TRIO: variants seen among roughly 807,000 people sequenced by gnomAD.
TRIO encodes the protein triple functional domain protein.
TRIO carries 58 observed loss-of-function variants against 351.9 expected under a neutral mutation model. That is an observed-to-expected ratio of 0.16 (90% CI 0.13 to 0.21). The LOEUF (loss-of-function observed/expected upper bound fraction) is 0.21, where lower values mean the gene tolerates loss of function less well. TRIO is among the 10% of genes least tolerant of loss of function. TRIO has a pLI of 1.00. For synonymous variants in TRIO, 1,758 were observed against 1,595.7 expected (o/e 1.10, Z -2.42); for missense variants, 3,201 against 4,027.8 (o/e 0.79, Z 5.56).
chr5:14,270,933 C>G, intron 2 of TRIO, 34 bp downstream of exon 2: 1 of 1,473,480 alleles, frequency 6.8e-7, no homozygotes, highest in Non-Finnish European at 9.5e-7. Context: ...CTCTATCCAA[C>G]TGCTCTGACA....
intron 19 of TRIO, among the ~76,000 whole-genome samples, chr5:14,377,661 A>T (rs1195641023): frequency 3.9e-5 from 6 of 152,152 alleles, no homozygotes; most frequent in African/African-American, 1.4e-4. Flanking sequence ...GTCTTGAAAA[A>T]AATGCTGATT....
chr5:14,456,466 C>T (rs753458557), intron 34 of TRIO, among the ~76,000 whole-genome samples: 1 of 152,258 alleles, frequency 6.6e-6, no homozygotes, highest in Admixed American at 6.5e-5. Flanking sequence ...CCACAGGGCT[C>T]GCCTTCAGAG....
intron 11 of TRIO, among the ~76,000 whole-genome samples, chr5:14,357,392 A>T (rs989036125): frequency 5.9e-5 from 9 of 152,182 alleles, no homozygotes; most frequent in Non-Finnish European, 1.2e-4. Flanking sequence ...CAGTTCCGTG[A>T]ATAGTACCCC....
chr5:14,176,525 C>T (rs1789417742), intron 1 of TRIO, among the ~76,000 whole-genome samples: 1 of 152,154 alleles, frequency 6.6e-6, no homozygotes, highest in East Asian at 1.9e-4. Context: ...ACAGTCACTG[C>T]TCACTGCAGC....
intron 34 of TRIO, among the ~76,000 whole-genome samples, chr5:14,447,609 A>C (rs1561501452): frequency 6.6e-6 from 1 of 152,198 alleles, no homozygotes; most frequent in Non-Finnish European, 1.5e-5. Context: ...CAACTTTTTA[A>C]AAAATCTGCG....
intron 1 of TRIO, among the ~76,000 whole-genome samples, chr5:14,215,763 C>T (rs1792177709): frequency 6.6e-6 from 1 of 152,192 alleles, no homozygotes; most frequent in East Asian, 1.9e-4. Flanking sequence ...TTAAGTTCTA[C>T]TACTCCAAAG....
intron 1 of TRIO, among the ~76,000 whole-genome samples, chr5:14,220,532 G>A (rs1792551582): frequency 6.6e-6 from 1 of 152,222 alleles, no homozygotes; most frequent in Non-Finnish European, 1.5e-5. Context: ...AGCTGAGACA[G>A]GCCAAAAGCT....
intron 19 of TRIO, among the ~76,000 whole-genome samples, chr5:14,374,644 AAAT>A (rs1745399403): frequency 6.6e-6 from 1 of 152,210 alleles, no homozygotes; most frequent in Non-Finnish European, 1.5e-5. Flanking sequence ...AGTAAGTAAA[AAAT>A]AAATAGGGGG....
intron 54 of TRIO, 130 bp downstream of exon 54, chr5:14,502,787 C>T (rs1399879853): frequency 6.8e-6 from 6 of 881,884 alleles, no homozygotes; most frequent in East Asian, 2.6e-5. Flanking sequence ...GCATTTGAAT[C>T]GTAACTCTCA....
chr5:14,249,817 T>C (rs1397245731), intron 1 of TRIO, among the ~76,000 whole-genome samples: 2 of 152,198 alleles, frequency 1.3e-5, no homozygotes, highest in African/African-American at 4.8e-5. Flanking sequence ...AGCAGCTTCA[T>C]TTGATGGTGG....
At chr5:14,501,357 G>C (rs776085307) in intron 53 of TRIO, among the ~76,000 whole-genome samples, 3 of 152,188 alleles carry the variant, frequency 2.0e-5, no homozygotes, top group African/African-American at 4.8e-5. Context: ...AGTGATTGAC[G>C]TGAAATTATT....
chr5:14,369,388 C>A lies in TRIO; in HGVS notation c.3081C>A (p.Leu1027=). 2 of 1,613,208 alleles carry A rather than the reference C, an allele frequency of 1.2e-6. No individual in the cohort carries two copies. The highest frequency in any genetic ancestry group is 3.3e-5 in the Admixed American group (2 of 59,984). ...YKTSEQVCSV[L]ESLEQEYKRE... is the part of the protein sequence containing the mutation. Reference sequence around the variant, plus strand: ...CCTGCTCACAGGTCTGCAGCGTCCTCGAGAGCCTGGAACAGGAGTACAAGA... The same window carrying A: ...CCTGCTCACAGGTCTGCAGCGTCCTAGAGAGCCTGGAACAGGAGTACAAGA... The change falls in exon 18 of 57, where the codon CTC becomes CTA. Residue 1027 remains leucine (L), a synonymous_variant. Coordinates refer to ENST00000344204, the MANE Select transcript of TRIO (RefSeq NM_007118.4).
chr5:14,283,219 C>A (rs1267649052), intron 3 of TRIO, among the ~76,000 whole-genome samples: 1 of 152,152 alleles, frequency 6.6e-6, no homozygotes, highest in Non-Finnish European at 1.5e-5. Context: ...GAACACAAGG[C>A]GTTTCTACCC....
intron 1 of TRIO, among the ~76,000 whole-genome samples, chr5:14,170,481 C>A (rs911314474): frequency 6.7e-6 from 1 of 150,256 alleles, no homozygotes; most frequent in East Asian, 2.0e-4. Context: ...ATGTGCTAAA[C>A]AGTCACTAAA....
chr5:14,188,430 T>G (rs974081853), intron 1 of TRIO, among the ~76,000 whole-genome samples: 1 of 152,206 alleles, frequency 6.6e-6, no homozygotes, highest in East Asian at 1.9e-4. Flanking sequence ...TCTTGGCCCA[T>G]TCTCTTAACC....
At chr5:14,172,479 CACAGAA>C (rs2152127371) in intron 1 of TRIO, among the ~76,000 whole-genome samples, 1 of 152,326 alleles carries the variant, frequency 6.6e-6, no homozygotes, top group Non-Finnish European at 1.5e-5. Flanking sequence ...TGACCAGGCA[CACAGAA>C]TAAAGCCCCT....
chr5:14,486,020 C>G (rs1050479438), intron 47 of TRIO, among the ~76,000 whole-genome samples: 1 of 152,172 alleles, frequency 6.6e-6, no homozygotes, highest in African/African-American at 2.4e-5. Flanking sequence ...TCAGTACTTC[C>G]CTGCTTCCGT....
At chr5:14,178,435 C>T (rs1420693574) in intron 1 of TRIO, among the ~76,000 whole-genome samples, 1 of 152,178 alleles carries the variant, frequency 6.6e-6, no homozygotes, top group African/African-American at 2.4e-5. Context: ...CTTGTGCCTG[C>T]CTGGTATTAG....
chr5:14,190,810 CA>C (rs1790409026), intron 1 of TRIO, among the ~76,000 whole-genome samples: 1 of 152,076 alleles, frequency 6.6e-6, no homozygotes. Flanking sequence ...ATGATCACCT[CA>C]GAAGTATCTC....
Sources: gnomAD v4.1 joint callset for allele counts (sites outside exome capture counted in the v4.1 genomes callset) on GRCh38, gnomAD v4.1.1 for gene constraint, MANE v1.5 for transcripts, NCBI Gene and HGNC (gene_info 2026-07-23, HGNC 2026-07-21) for gene names.